The following WWOX variants were observed in gnomAD, a reference collection of about 807,000 sequenced individuals.
The protein encoded by WWOX is WW domain containing oxidoreductase, also known as WW domain-containing oxidoreductase.
A neutral mutation model predicts 46.2 loss-of-function variants in WWOX; 69 were observed. The observed-to-expected ratio is 1.49, with a 90% confidence interval of 1.23 to 1.82. The LOEUF (loss-of-function observed/expected upper bound fraction) is 1.82. Ranked by LOEUF, WWOX falls within the 40% of genes most tolerant of loss-of-function variation. WWOX has a pLI of 0.00. For missense variants in WWOX, 919 were observed against 542.6 expected (o/e 1.69, Z -6.89); for synonymous variants, 359 against 202.6 (o/e 1.77, Z -6.56).
rs552497618 is a variant in WWOX, at chr16:78,316,337, A to G, written c.517-70523A>G. Among the ~76,000 whole-genome samples the G allele has an allele frequency of 7.9e-4, 120 of 152,230 alleles. 1 individual carries two copies. The highest frequency in any genetic ancestry group is 2.7e-3 in the African/African-American group (111 of 41,536). On this transcript the variant is annotated intron_variant, in intron 5 of 8. Coordinates refer to ENST00000566780, the MANE Select transcript of WWOX (RefSeq NM_016373.4). ...TGGCTTTGTTAGGTTAGATTCCCTG[A>G]AGTGGAATGGCCAGGGAATTTAAAA...
intron 7 of WWOX, among the ~76,000 whole-genome samples, chr16:78,429,269 C>T (rs766705201): frequency 3.3e-5 from 5 of 152,198 alleles, no homozygotes; most frequent in African/African-American, 4.8e-5. Flanking sequence ...TTTCACCAAT[C>T]TTGGAAGGCC....
chr16:79,092,500 GA>G (rs1432683761), intron 8 of WWOX, among the ~76,000 whole-genome samples: 1 of 152,090 alleles, frequency 6.6e-6, no homozygotes, highest in Non-Finnish European at 1.5e-5. Context: ...CATCTTCCAG[GA>G]GCCCAGCTCT....
intron 6 of WWOX, among the ~76,000 whole-genome samples, chr16:78,407,408 A>G (rs1298868042): frequency 6.6e-6 from 1 of 152,192 alleles, no homozygotes; most frequent in African/African-American, 2.4e-5. Context: ...TGTGTCTGAA[A>G]TTGAATCCCC....
intron 8 of WWOX, among the ~76,000 whole-genome samples, chr16:78,520,156 A>G (rs1409526167): frequency 6.6e-6 from 1 of 152,170 alleles, no homozygotes; most frequent in Non-Finnish European, 1.5e-5. Flanking sequence ...TCCAGTCTGA[A>G]GCTTTTATTC....
intron 8 of WWOX, among the ~76,000 whole-genome samples, chr16:79,152,807 G>C (rs1306724612): frequency 6.6e-6 from 1 of 152,182 alleles, no homozygotes; most frequent in African/African-American, 2.4e-5. Flanking sequence ...CTTTGTGTCA[G>C]GTGGGCCAGC....
chr16:78,402,572 T>C (rs529221099), intron 6 of WWOX, among the ~76,000 whole-genome samples: 13 of 152,238 alleles, frequency 8.5e-5, no homozygotes, highest in African/African-American at 2.9e-4. Flanking sequence ...CAACCCCCTT[T>C]CTGAGCCCCT....
intron 8 of WWOX, among the ~76,000 whole-genome samples, chr16:78,982,558 G>A (rs1470076159): frequency 6.6e-6 from 1 of 152,174 alleles, no homozygotes; most frequent in African/African-American, 2.4e-5. Flanking sequence ...AGAGTAGGGA[G>A]TTATCAATTA....
At chr16:78,896,268 A>AT (rs2044698184) in intron 8 of WWOX, 1 of 151,634 alleles carries the variant, frequency 6.6e-6, no homozygotes, top group African/African-American at 2.4e-5. Context: ...GTTTTTGTAA[A>AT]TTTGCTTAGT....
intron 8 of WWOX, among the ~76,000 whole-genome samples, chr16:78,853,004 C>T (rs552977863): frequency 5.3e-5 from 8 of 152,178 alleles, no homozygotes; most frequent in African/African-American, 1.2e-4. Flanking sequence ...TTGATTTGCC[C>T]GGGGTCATAC....
chr16:78,530,572 G>C (rs955608620), intron 8 of WWOX, among the ~76,000 whole-genome samples: 4 of 152,238 alleles, frequency 2.6e-5, no homozygotes, highest in East Asian at 1.9e-4. Context: ...GGGTTTTTAT[G>C]GGTACAGGAT....
At position 78,099,836 on chromosome 16, in the gene WWOX, C is replaced by T. The variant is rs768240338; in HGVS notation, c.58C>T (p.Pro20Ser). 5 of 1,581,998 alleles carry T rather than the reference C, an allele frequency of 3.2e-6. No homozygotes were observed. The highest frequency in any genetic ancestry group is 1.4e-5 in the African/African-American group (1 of 73,926). Reference sequence around the variant, plus strand: ...CACGGACAGTGAGGACGAGCTGCCTCCGGGCTGGGAGGAGAGAACCACCAA... The same window carrying T: ...CACGGACAGTGAGGACGAGCTGCCTTCGGGCTGGGAGGAGAGAACCACCAA... ...DDTDSEDELPPGWEERTTKDG... is the reference protein window; with the variant it reads ...DDTDSEDELPSGWEERTTKDG... Residue 20 changes from proline to serine, a missense_variant, in exon 1 of 9, where the codon CCG (proline) becomes TCG (serine). Coordinates refer to ENST00000566780, the MANE Select transcript of WWOX (RefSeq NM_016373.4).
intron 8 of WWOX, among the ~76,000 whole-genome samples, chr16:78,949,283 A>C (rs1206711032): frequency 6.6e-6 from 1 of 152,128 alleles, no homozygotes; most frequent in Admixed American, 6.6e-5. Flanking sequence ...TCCAACCCAC[A>C]GCAACTGTGC....
chr16:78,441,245 TC>T lies in WWOX; in HGVS notation c.1056+8499del, dbSNP rs371294672. Among the ~76,000 whole-genome samples the T allele has an allele frequency of 1.1e-4, 17 of 152,196 alleles. No homozygotes were observed. The South Asian group carries it at 3.3e-3, about 30-fold the overall frequency. The stretch of plus-strand genomic sequence containing the variant: ...CCTGTAGTTTCTTATTTAATGTCTG[TC>T]CCCCCTTCTCTTGACAGTGGTGTTT... On this transcript the variant is annotated intron_variant, in intron 8 of 8. Transcript: ENST00000566780.
At chr16:78,769,902 G>A (rs576434009) in intron 8 of WWOX, among the ~76,000 whole-genome samples, 14 of 152,008 alleles carry the variant, frequency 9.2e-5, no homozygotes, top group African/African-American at 2.2e-4. Context: ...GTAGTTGGGC[G>A]TGTGTGGTGG....
At position 78,347,543 on chromosome 16, in the gene WWOX, C is replaced by G. The variant is rs1335169485; in HGVS notation, c.517-39317C>G. Among the ~76,000 whole-genome samples the G allele has an allele frequency of 5.9e-5, 7 of 118,920 alleles. 3 individuals carry two copies. The highest frequency in any genetic ancestry group is 1.4e-4 in the Non-Finnish European group (7 of 50,072). The allele number at this position is 118,920 out of a possible 152,430, so 78.0% of individuals were successfully genotyped here. ...CTTGCATGTTCCTGAGCTTCTTAGG[C>G]GTGTTGCATCTTCCTGACCTTCCCA... On this transcript the variant is annotated intron_variant, in intron 5 of 8. Transcript: ENST00000566780.
intron 8 of WWOX, among the ~76,000 whole-genome samples, chr16:78,782,396 C>T (rs952630786): frequency 2.6e-5 from 4 of 152,168 alleles, no homozygotes; most frequent in African/African-American, 9.7e-5. Flanking sequence ...TTCCCACAAT[C>T]TAGGAGAAAG....
In WWOX at chr16:78,980,913, T is replaced by A. The variant is rs1005666991; in HGVS notation, c.1057-230695T>A. Among the ~76,000 whole-genome samples the A allele has an allele frequency of 6.6e-5, 10 of 152,210 alleles. No individual in the cohort carries two copies. In the East Asian group the frequency reaches 1.9e-3, roughly 29 times the overall value. ...ATGTAGAGGTGATGGTATCTCCGTT[T>A]TTATTGTCTTCAGAAATGTTGAGAT... On this transcript the variant is annotated intron_variant, in intron 8 of 8. Transcript: ENST00000566780.
chr16:78,476,297 C>G (rs1335515059), intron 8 of WWOX, among the ~76,000 whole-genome samples: 2 of 152,168 alleles, frequency 1.3e-5, no homozygotes, highest in East Asian at 3.9e-4. Flanking sequence ...TGATCATATC[C>G]TTCGCCCACT....
At chr16:78,118,841 A>T (rs943648511) in intron 4 of WWOX, 5 of 152,224 alleles carry the variant, frequency 3.3e-5, no homozygotes, top group Non-Finnish European at 7.3e-5. Flanking sequence ...CATTGTATGT[A>T]ACTGTTGGGG....
Sources: allele counts gnomAD v4.1 joint callset (sites outside exome capture counted in the v4.1 genomes callset), GRCh38; gene constraint gnomAD v4.1.1; transcripts MANE v1.5; gene names NCBI Gene and HGNC (gene_info 2026-07-23, HGNC 2026-07-21).